Variants in FTO observed in about 807,000 individuals in gnomAD.
FTO encodes FTO alpha-ketoglutarate dependent dioxygenase, also known as alpha-ketoglutarate-dependent dioxygenase FTO.
Under a neutral mutation model 63.9 loss-of-function variants are expected in FTO, and 47 were observed. That is an observed-to-expected ratio of 0.74 (90% CI 0.58 to 0.94). The LOEUF is 0.94. FTO is among the 40% of genes least tolerant of loss of function. The probability of loss-of-function intolerance (pLI) is 0.00; values close to 1 mark genes in which losing one functional copy is unlikely to be tolerated. For synonymous variants in FTO, 207 were observed against 224.4 expected (o/e 0.92, Z 0.69); for missense variants, 562 against 618.1 (o/e 0.91, Z 0.96).
chr16:53,963,912 C>CTGTAA (rs1441854952), intron 8 of FTO, among the ~76,000 whole-genome samples: 1 of 152,180 alleles, frequency 6.6e-6, no homozygotes, highest in Non-Finnish European at 1.5e-5. Flanking sequence ...GCCACAATGC[C>CTGTAA]TGGCTAATTT....
chr16:54,046,825 A>G (rs1320856162), intron 8 of FTO, among the ~76,000 whole-genome samples: 2 of 8,542 alleles, frequency 2.3e-4, no homozygotes, highest in African/African-American at 7.3e-4. Flanking sequence ...CAACTATCTG[A>G]TCTTTGACAA....
At chr16:53,725,821 A>T (rs2076139810) in intron 1 of FTO, among the ~76,000 whole-genome samples, 2 of 152,138 alleles carry the variant, frequency 1.3e-5, no homozygotes. Context: ...ATCATTTTCA[A>T]GTTCAAACCT....
intron 4 of FTO, among the ~76,000 whole-genome samples, chr16:53,849,930 C>A (rs928105703): frequency 6.6e-6 from 1 of 152,176 alleles, no homozygotes; most frequent in Non-Finnish European, 1.5e-5. Flanking sequence ...AAGGAAAAAG[C>A]TTTTGTTATT....
At chr16:53,959,760 T>C (rs972125080) in intron 8 of FTO, among the ~76,000 whole-genome samples, 1 of 152,040 alleles carries the variant, frequency 6.6e-6, no homozygotes, top group Non-Finnish European at 1.5e-5. Flanking sequence ...GCCTAAGCTT[T>C]TAACCATGAA....
At chr16:53,889,811 A>G (rs1290035609) in intron 7 of FTO, among the ~76,000 whole-genome samples, 2 of 151,636 alleles carry the variant, frequency 1.3e-5, no homozygotes, top group East Asian at 3.9e-4. Flanking sequence ...GTCTTGCATT[A>G]AGTCTTAATT....
chr16:53,825,767 C>G (rs1280120670), intron 2 of FTO, 97 bp from the exon 3 acceptor site: 3 of 1,443,604 alleles, frequency 2.1e-6, no homozygotes, highest in Non-Finnish European at 2.9e-6. Context: ...GGTAGTCCCC[C>G]CACAACTCCC....
intron 8 of FTO, among the ~76,000 whole-genome samples, chr16:53,972,587 A>G (rs942282035): frequency 6.6e-6 from 1 of 152,248 alleles, no homozygotes; most frequent in Non-Finnish European, 1.5e-5. Context: ...AATTAAATGT[A>G]GGGACTGAAC....
chr16:53,952,527 A>T (rs190856167), intron 8 of FTO, among the ~76,000 whole-genome samples: 1 of 152,264 alleles, frequency 6.6e-6, no homozygotes, highest in East Asian at 1.9e-4. Flanking sequence ...AACTTCCCAT[A>T]TTTTCGTACT....
chr16:53,818,171 C>CT (rs57562818), intron 2 of FTO, among the ~76,000 whole-genome samples: 5 of 147,692 alleles, frequency 3.4e-5, no homozygotes, highest in Non-Finnish European at 3.0e-5. Context: ...GTTACTTGTT[C>CT]TTTTTTTTTT....
chr16:54,023,549 C>G (rs1316959038), intron 8 of FTO, among the ~76,000 whole-genome samples: 1 of 152,180 alleles, frequency 6.6e-6, no homozygotes, highest in Non-Finnish European at 1.5e-5. Flanking sequence ...ACTCTTCTGA[C>G]CAGCCCAACT....
chr16:53,874,107 G>A (rs953504470), intron 5 of FTO, among the ~76,000 whole-genome samples: 4 of 152,210 alleles, frequency 2.6e-5, no homozygotes, highest in Non-Finnish European at 5.9e-5. Flanking sequence ...CTTGGAGAAG[G>A]AAAATGCCGT....
chr16:53,711,768 A>G (rs929439366), intron 1 of FTO, among the ~76,000 whole-genome samples: 2 of 152,236 alleles, frequency 1.3e-5, no homozygotes, highest in Admixed American at 6.5e-5. Context: ...TTATATACCT[A>G]AGAACATTTA....
At chr16:53,987,133 A>T (rs575121940) in intron 8 of FTO, among the ~76,000 whole-genome samples, 63 of 151,504 alleles carry the variant, frequency 4.2e-4, no homozygotes, top group African/African-American at 1.1e-3. Flanking sequence ...TAAAAAAATT[A>T]AAAAAAAGGA....
intron 8 of FTO, among the ~76,000 whole-genome samples, chr16:54,074,460 T>C (rs2085939307): frequency 6.6e-6 from 1 of 152,164 alleles, no homozygotes; most frequent in Non-Finnish European, 1.5e-5. Flanking sequence ...TATATACTTT[T>C]TAAAGCAATA....
At position 54,082,150 on chromosome 16, in the gene FTO, A is replaced by G. The variant is rs149153535; in HGVS notation, c.1365-29612A>G. Among the ~76,000 whole-genome samples the G allele has an allele frequency of 2.4e-3, 367 of 152,322 alleles. 1 individual carries two copies. Among genetic ancestry groups the G allele is most frequent in the African/African-American group, 8.5e-3 (354 of 41,566 alleles). On this transcript the variant is annotated intron_variant, in intron 8 of 8. Transcript: ENST00000471389. ...TATGAGGACTATATGATGTCAAGTA[A>G]AGGGACATGGCTTTTGTGAAATTCT...
chr16:53,794,424 G>A (rs2078006638), intron 1 of FTO, among the ~76,000 whole-genome samples: 1 of 152,212 alleles, frequency 6.6e-6, no homozygotes, highest in Non-Finnish European at 1.5e-5. Context: ...AAGCTGGATT[G>A]AAGCGATGGT....
chr16:54,093,530 G>A (rs2144563807), intron 8 of FTO, among the ~76,000 whole-genome samples: 1 of 152,292 alleles, frequency 6.6e-6, no homozygotes, highest in Non-Finnish European at 1.5e-5. Context: ...CTCTGGCCCA[G>A]TCCCAGCTGA....
At chr16:53,914,187 T>G (rs915924766) in intron 7 of FTO, among the ~76,000 whole-genome samples, 1 of 152,044 alleles carries the variant, frequency 6.6e-6, no homozygotes, top group Non-Finnish European at 1.5e-5. Context: ...GCTTGGACTT[T>G]AGCATTTCTG....
At chr16:54,034,330 A>G (rs2084896297) in intron 8 of FTO, among the ~76,000 whole-genome samples, 1 of 152,214 alleles carries the variant, frequency 6.6e-6, no homozygotes, top group African/African-American at 2.4e-5. Context: ...TAAGAGCTTT[A>G]TGATTCTAAA....
Sources: allele counts gnomAD v4.1 joint callset (sites outside exome capture counted in the v4.1 genomes callset), GRCh38; gene constraint gnomAD v4.1.1; transcripts MANE v1.5; gene names NCBI Gene and HGNC (gene_info 2026-07-23, HGNC 2026-07-21).